The following HYDIN variants were observed in gnomAD, a reference collection of about 807,000 sequenced individuals.
HYDIN encodes the protein HYDIN axonemal central pair apparatus protein.
In HYDIN, 132 loss-of-function variants were observed where a neutral mutation model predicts 403.9. The ratio of observed to expected loss-of-function variants is 0.33; its 90% CI spans 0.28 to 0.38. The LOEUF (loss-of-function observed/expected upper bound fraction) is 0.38. HYDIN is among the 10% of genes least tolerant of loss of function. The probability of loss-of-function intolerance (pLI) is 1.00; values close to 1 mark genes in which losing one functional copy is unlikely to be tolerated. For missense variants in HYDIN, 2,827 were observed against 5,009.5 expected (o/e 0.56, Z 13.15); for synonymous variants, 1,202 against 1,891.7 (o/e 0.64, Z 9.46).
chr16:70,826,844 T>C (rs1289546015), intron 83 of HYDIN, among the ~76,000 whole-genome samples: 3 of 134,454 alleles, frequency 2.2e-5, no homozygotes, highest in Non-Finnish European at 4.6e-5. Flanking sequence ...CCAAATGCTA[T>C]CTATAAATGA....
chr16:70,829,603 G>C lies in HYDIN; in HGVS notation c.14112+15C>G, dbSNP rs748410810. 4 of 1,608,076 alleles carry C rather than the reference G, an allele frequency of 2.5e-6. No individual in the cohort carries two copies. The highest frequency in any genetic ancestry group is 3.4e-6 in the Non-Finnish European group (4 of 1,175,756). On this transcript the variant is annotated intron_variant, in intron 81 of 85. Transcript: ENST00000393567. ...ATGCCAGGAAACCAATGGGGGTGGG[G>C]GGACCTCAGTCTACCTGGTGCTTGC...
intron 1 of HYDIN, among the ~76,000 whole-genome samples, chr16:71,224,723 G>A (rs994338665): frequency 6.6e-5 from 10 of 151,142 alleles, no homozygotes; most frequent in Admixed American, 4.0e-4. Context: ...CACTACGCCC[G>A]GCTAATTTTT....
intron 41 of HYDIN, among the ~76,000 whole-genome samples, chr16:70,948,343 C>T (rs1294386611): frequency 1.3e-5 from 2 of 152,096 alleles, no homozygotes; most frequent in Non-Finnish European, 2.9e-5. Flanking sequence ...AGTCCTAAAA[C>T]CATAACAACC....
chr16:70,859,041 C>T (rs2039220671), intron 71 of HYDIN, among the ~76,000 whole-genome samples: 2 of 151,658 alleles, frequency 1.3e-5, no homozygotes, highest in Non-Finnish European at 1.5e-5. Flanking sequence ...GTGGCTCACA[C>T]CTGTAATCCC....
intron 23 of HYDIN, among the ~76,000 whole-genome samples, chr16:70,993,700 A>AT (rs2079432074): frequency 1.3e-5 from 2 of 149,176 alleles, no homozygotes; most frequent in East Asian, 3.9e-4. Context: ...TTGGAAGCGA[A>AT]TTGCTGGGTT....
At position 70,884,127 on chromosome 16, in the gene HYDIN, G is replaced by A; in HGVS notation, c.9775-3C>T. ...AACATGCCATGGGCGAAGCGGGCCT[G>A]CAGGACAAGGGTGGGAGGGATAGGA... On this transcript the variant is annotated splice_polypyrimidine_tract_variant and splice_region_variant and intron_variant, in intron 58 of 85. Transcript: ENST00000393567. 3 of 1,572,668 alleles carry A rather than the reference G, an allele frequency of 1.9e-6. No individual in the cohort carries two copies. The highest frequency in any genetic ancestry group is 1.4e-5 in the African/African-American group (1 of 72,868).
At chr16:71,048,218 A>G (rs1348835343) in intron 18 of HYDIN, among the ~76,000 whole-genome samples, 1 of 151,402 alleles carries the variant, frequency 6.6e-6, no homozygotes, top group East Asian at 1.9e-4. Context: ...TATATATATC[A>G]CATTTTCTTT....
At chr16:71,205,601 C>T (rs1364650553) in intron 1 of HYDIN, among the ~76,000 whole-genome samples, 2 of 152,238 alleles carry the variant, frequency 1.3e-5, no homozygotes, top group Admixed American at 6.5e-5. Context: ...CCGAGGAGCA[C>T]CAACATTGTT....
In HYDIN at chr16:71,220,605, G is replaced by A. The variant is rs1829715402; in HGVS notation, c.-24+9957C>T. Among the ~76,000 whole-genome samples the A allele has an allele frequency of 2.6e-5, 4 of 152,250 alleles. No homozygotes were observed. The South Asian group carries it at 8.3e-4, about 32-fold the overall frequency. ...GAATTTTTCCATCTTTGTCACACAT[G>A]TATACAGCGAATACATCCAGGTTTC... On this transcript the variant is annotated intron_variant, in intron 1 of 85. Transcript: ENST00000393567.
At chr16:71,205,223 C>G (rs747666801) in intron 1 of HYDIN, among the ~76,000 whole-genome samples, 21 of 152,200 alleles carry the variant, frequency 1.4e-4, no homozygotes, top group South Asian at 2.1e-4. Context: ...ACATAGTGAT[C>G]ATCTGAGAAA....
At chr16:70,946,025 G>A (rs907252179) in intron 41 of HYDIN, among the ~76,000 whole-genome samples, 12 of 151,358 alleles carry the variant, frequency 7.9e-5, no homozygotes, top group Admixed American at 1.3e-4. Context: ...TTAATGATGC[G>A]AATAATAATA....
intron 18 of HYDIN, among the ~76,000 whole-genome samples, chr16:71,038,751 C>T (rs2081184963): frequency 1.3e-5 from 2 of 152,254 alleles, no homozygotes; most frequent in South Asian, 4.1e-4. Flanking sequence ...ACCTCCGCCT[C>T]CTGGGTCCAA....
chr16:70,991,500 C>T lies in HYDIN; in HGVS notation c.3786-104G>A. On this transcript the variant is annotated intron_variant, in intron 24 of 85. Coordinates refer to ENST00000393567, the MANE Select transcript of HYDIN (RefSeq NM_001270974.2). ...TCTTCCTCTTCTCCCTCTACCACAC[C>T]CCCAAACGTAAGGGGGATTCTCAAT... 5.9e-6 allele frequency: 9 copies of T among 1,531,748 alleles called. No individual in the cohort carries two copies. In the South Asian group the frequency reaches 8.5e-5, roughly 14 times the overall value. The allele number at this position is 1,531,748 out of a possible 1,614,324, so 94.9% of individuals were successfully genotyped here. A position where few individuals can be genotyped will look rare whatever the true frequency, so the allele number is the denominator to read the frequency against.
chr16:71,198,054 T>A (rs1487355713), intron 1 of HYDIN, among the ~76,000 whole-genome samples: 1 of 152,204 alleles, frequency 6.6e-6, no homozygotes, highest in African/African-American at 2.4e-5. Flanking sequence ...GCCCCTTAAT[T>A]CTCTTTTATG....
intron 19 of HYDIN, among the ~76,000 whole-genome samples, chr16:71,029,852 A>G (rs1466534177): frequency 6.6e-6 from 1 of 152,152 alleles, no homozygotes; most frequent in Non-Finnish European, 1.5e-5. Context: ...CAAGCACAGC[A>G]TATATGACTT....
chr16:71,195,150 T>C (rs1462157201), intron 1 of HYDIN, among the ~76,000 whole-genome samples: 1 of 152,132 alleles, frequency 6.6e-6, no homozygotes, highest in African/African-American at 2.4e-5. Context: ...ATCTCATGCA[T>C]TTATTAAGAA....
chr16:71,042,159 T>C (rs1391212508), intron 18 of HYDIN, among the ~76,000 whole-genome samples: 1 of 151,740 alleles, frequency 6.6e-6, no homozygotes, highest in Non-Finnish European at 1.5e-5. Context: ...GTGATTTAAA[T>C]TTTTAAAGTT....
intron 18 of HYDIN, among the ~76,000 whole-genome samples, chr16:71,049,422 A>T (rs1390241164): frequency 6.6e-6 from 1 of 152,056 alleles, no homozygotes; most frequent in Non-Finnish European, 1.5e-5. Flanking sequence ...CAGTGACTGA[A>T]TCTGTGATTT....
intron 13 of HYDIN, among the ~76,000 whole-genome samples, chr16:71,074,188 C>A (rs2082556810): frequency 6.6e-6 from 1 of 151,766 alleles, no homozygotes; most frequent in South Asian, 2.1e-4. Flanking sequence ...CCTTTTTAAA[C>A]CCCACATAAT....
Sources: allele counts gnomAD v4.1 joint callset (sites outside exome capture counted in the v4.1 genomes callset), GRCh38; gene constraint gnomAD v4.1.1; transcripts MANE v1.5; gene names NCBI Gene and HGNC (gene_info 2026-07-23, HGNC 2026-07-21).